Variants in SLC25A25 observed in about 807,000 individuals in gnomAD.
The protein encoded by SLC25A25 is solute carrier family 25 member 25.
A neutral mutation model predicts 57.7 loss-of-function variants in SLC25A25; 32 were observed. The ratio of observed to expected loss-of-function variants is 0.55; its 90% CI spans 0.42 to 0.74. The LOEUF (loss-of-function observed/expected upper bound fraction) is 0.74. SLC25A25 is among the 30% of genes least tolerant of loss of function. SLC25A25 has a pLI of 0.00. For synonymous variants in SLC25A25, 306 were observed against 291.2 expected (o/e 1.05, Z -0.52); for missense variants, 556 against 701.3 (o/e 0.79, Z 2.34).
chr9:128,075,573 G>T (rs931507691), intron 1 of SLC25A25, among the ~76,000 whole-genome samples: 24 of 152,064 alleles, frequency 1.6e-4, no homozygotes, highest in African/African-American at 4.8e-4. Context: ...CAAGTGTGGC[G>T]ACTTACACCT....
At chr9:128,080,349 CAAAAAAAAAAAAAA>C (rs775059465) in intron 1 of SLC25A25, among the ~76,000 whole-genome samples, 3 of 108,630 alleles carry the variant, frequency 2.8e-5, no homozygotes, top group African/African-American at 1.2e-4. Flanking sequence ...GACTCCATCC[CAAAAAAAAAAAAAA>C]AAAAAAAAAA....
At position 128,099,153 on chromosome 9, in the gene SLC25A25, C is replaced by G. The variant is rs1369022742; in HGVS notation, c.262-1943C>G. 3 of 1,232,442 alleles carry G rather than the reference C, an allele frequency of 2.4e-6. No individual in the cohort carries two copies. Among genetic ancestry groups the G allele is most frequent in the Non-Finnish European group, 3.1e-6 (3 of 962,230 alleles). The allele number at this position is 1,232,442 out of a possible 1,614,324, so 76.3% of individuals were successfully genotyped here. ...GAGGGAGCCTCCCGCCTTCTCGACT[C>G]TCAGACATCGCTGTGGAACAGGGCC... On this transcript the variant is annotated intron_variant, in intron 1 of 10. Transcript: ENST00000373069. This position sits in a 1 kb window ranked among gnomAD's most constrained non-coding sequence, Gnocchi z 6.8.
chr9:128,089,368 T>C (rs1488191444), intron 1 of SLC25A25, among the ~76,000 whole-genome samples: 1 of 152,222 alleles, frequency 6.6e-6, no homozygotes, highest in East Asian at 1.9e-4. Context: ...TAACCAATTC[T>C]ATGAAGTACT....
intron 1 of SLC25A25, among the ~76,000 whole-genome samples, chr9:128,077,389 C>T (rs1464130462): frequency 6.6e-6 from 1 of 152,036 alleles, no homozygotes; most frequent in Admixed American, 6.6e-5. Flanking sequence ...CGGTGGCGGG[C>T]GCCTGTGGTC....
intron 1 of SLC25A25, among the ~76,000 whole-genome samples, chr9:128,097,763 C>T (rs1833604447): frequency 6.6e-6 from 1 of 152,172 alleles, no homozygotes; most frequent in South Asian, 2.1e-4. Flanking sequence ...GGCATGGTGT[C>T]CTCTTACCAA....
Position 128,103,641 on chromosome 9 carries a change from C to T in SLC25A25, c.625-40C>T. On this transcript the variant is annotated intron_variant, in intron 5 of 10. Coordinates refer to ENST00000373069, the MANE Select transcript of SLC25A25 (RefSeq NM_001330988.2). This position sits in a 1 kb window ranked among gnomAD's most constrained non-coding sequence, Gnocchi z 6.7. The stretch of plus-strand genomic sequence containing the variant: ...GCGACAGGTGCCAGCAGCCTTGCCC[C>T]AAGGGTCCTGAGTCAGGCTTGTGCC... The T allele has an allele frequency of 6.2e-7, 1 of 1,613,882 alleles. No homozygotes were observed. Among genetic ancestry groups the T allele is most frequent in the South Asian group, 1.1e-5 (1 of 91,050 alleles).
chr9:128,093,511 G>C (rs1833471589), intron 1 of SLC25A25, among the ~76,000 whole-genome samples: 2 of 152,240 alleles, frequency 1.3e-5, no homozygotes, highest in African/African-American at 2.4e-5. Context: ...AGGACTGTCT[G>C]TTCTGAACAG....
chr9:128,107,458 G>A lies in SLC25A25; in HGVS notation c.*14G>A, dbSNP rs377049698. 5.3e-6 allele frequency: 8 copies of A among 1,504,430 alleles called. No individual in the cohort carries two copies. The highest frequency in any genetic ancestry group is 6.2e-6 in the Non-Finnish European group (7 of 1,126,256). The allele number at this position is 1,504,430 out of a possible 1,614,324, so 93.2% of individuals were successfully genotyped here. ...CAGTCGCGGTGACGGGGGGAGGGCC[G>A]CCCGGCAGTGGACTCGCTGATCCTG... On this transcript the variant is annotated 3_prime_UTR_variant, in exon 11 of 11. Coordinates refer to ENST00000373069, the MANE Select transcript of SLC25A25 (RefSeq NM_001330988.2).
intron 1 of SLC25A25, among the ~76,000 whole-genome samples, chr9:128,075,174 G>C (rs1187381059): frequency 1.3e-5 from 2 of 152,110 alleles, no homozygotes; most frequent in Non-Finnish European, 2.9e-5. Flanking sequence ...TGGGCATGGT[G>C]GCCCATGCCT....
In SLC25A25 at chr9:128,106,597, C is replaced by T. The variant is rs556626530; in HGVS notation, c.1212+77C>T. On this transcript the variant is annotated intron_variant, in intron 9 of 10. Transcript: ENST00000373069. ...CTGCTGTCTCCCTCCTTGACGGACG[C>T]GTGGTTAGTGCAGGAAACTGCATCA... 1.6e-4 allele frequency: 241 copies of T among 1,483,906 alleles called. No homozygotes were observed. In the African/African-American group the frequency reaches 2.8e-3, roughly 17 times the overall value. The allele number at this position is 1,483,906 out of a possible 1,614,324, so 91.9% of individuals were successfully genotyped here.
intron 1 of SLC25A25, among the ~76,000 whole-genome samples, chr9:128,100,570 AC>A (rs1434898795): frequency 6.6e-6 from 1 of 151,938 alleles, no homozygotes; most frequent in African/African-American, 2.4e-5. Context: ...CCCGATTTTC[AC>A]CTGCCCACCA....
rs1258534877 is a variant in SLC25A25, at chr9:128,072,658, CT to C, written c.261+4081del. Among the ~76,000 whole-genome samples, 16 of 152,032 alleles carry C rather than the reference CT, an allele frequency of 1.1e-4. 3 individuals carry two copies. The highest frequency in any genetic ancestry group is 1.0e-3 in the Admixed American group (16 of 15,246). On this transcript the variant is annotated intron_variant, in intron 1 of 10. Coordinates refer to ENST00000373069, the MANE Select transcript of SLC25A25 (RefSeq NM_001330988.2). ...GTTGGCAGCCAGCCAGGGAAATTTT[CT>C]TTGTAAAGGGCATGTAAGCGAGAAG...
rs779266773 is a variant in SLC25A25 at position 128,106,368 on chromosome 9, A to G, written c.1060A>G (p.Met354Val). The change falls in exon 9 of 11, where the codon ATG becomes GTG. Residue 354 changes from methionine to valine, a missense_variant. Around this residue, in one of 3 missense-constraint regions of SLC25A25, gnomAD observed 294 missense variants for 389.6 expected, o/e 0.75. Transcript: ENST00000373069. Reference sequence around the variant, plus strand: ...TGTTGTGCAGGTCCTGAAGACCCGGATGGCGCTGCGGAAGACAGGCCAGTA... The same window carrying G: ...TGTTGTGCAGGTCCTGAAGACCCGGGTGGCGCTGCGGAAGACAGGCCAGTA... Reference protein sequence around the residue: ...IYPMEVLKTRMALRKTGQYSG... With the variant: ...IYPMEVLKTRVALRKTGQYSG... The G allele has an allele frequency of 3.7e-6, 6 of 1,613,642 alleles. No homozygotes were observed. In the East Asian group the frequency reaches 6.7e-5, roughly 18 times the overall value.
Position 128,099,235 on chromosome 9 carries a change from C to T in SLC25A25, c.262-1861C>T, listed in dbSNP as rs1461992516. 7.8e-7 allele frequency: 1 copy of T among 1,288,966 alleles called. No homozygotes were observed. The highest frequency in any genetic ancestry group is 1.0e-6 in the Non-Finnish European group (1 of 988,522). 79.8% of individuals were successfully genotyped at this position (1,288,966 alleles called of 1,614,324 possible). On this transcript the variant is annotated intron_variant, in intron 1 of 10. Coordinates refer to ENST00000373069, the MANE Select transcript of SLC25A25 (RefSeq NM_001330988.2). This position sits in a 1 kb window ranked among gnomAD's most constrained non-coding sequence, Gnocchi z 6.8. ...TGCAGAGTCCGGAGGCCCCTTGCCA[C>T]CTCGGCTTCTCGGTTAATCAGTTTC... is the stretch of plus-strand genomic sequence containing the variant.
At chr9:128,091,347 T>A in intron 1 of SLC25A25, 1 of 796,042 alleles carries the variant, frequency 1.3e-6, no homozygotes, top group Non-Finnish European at 1.5e-6. Flanking sequence ...TGCCTGTGAT[T>A]GGAGGGCTGG....
rs1423351147 is a variant in SLC25A25, at chr9:128,103,364, A to G, written c.625-317A>G. Among the ~76,000 whole-genome samples the G allele has an allele frequency of 2.6e-5, 4 of 152,224 alleles. No individual in the cohort carries two copies. The highest frequency in any genetic ancestry group is 9.6e-5 in the African/African-American group (4 of 41,464). ...CGCAGCCAGCCTGGCAATCTCACAC[A>G]GGCCTGTGAGCTGTTCTTGCAGTAG... On this transcript the variant is annotated intron_variant, in intron 5 of 10. Coordinates refer to ENST00000373069, the MANE Select transcript of SLC25A25 (RefSeq NM_001330988.2). The surrounding 1 kb of genome is among the most constrained non-coding windows in gnomAD (Gnocchi z 6.7).
In SLC25A25 at chr9:128,099,166, G is replaced by A. The variant is rs1833684518; in HGVS notation, c.262-1930G>A. 4.0e-6 allele frequency: 5 copies of A among 1,243,204 alleles called. No homozygotes were observed. The South Asian group carries it at 6.8e-5, about 17-fold the overall frequency. 77.0% of individuals were successfully genotyped at this position (1,243,204 alleles called of 1,614,324 possible). A position where few individuals can be genotyped will look rare whatever the true frequency, so the allele number is the denominator to read the frequency against. ...GCCTTCTCGACTCTCAGACATCGCT[G>A]TGGAACAGGGCCTGTGTCTGCCCTG... is the stretch of plus-strand genomic sequence containing the variant. On this transcript the variant is annotated intron_variant, in intron 1 of 10. Transcript: ENST00000373069. The surrounding 1 kb of genome is among the most constrained non-coding windows in gnomAD (Gnocchi z 6.8).
intron 1 of SLC25A25, among the ~76,000 whole-genome samples, chr9:128,070,445 T>G (rs981327946): frequency 2.7e-5 from 4 of 150,352 alleles, no homozygotes; most frequent in African/African-American, 9.8e-5. Flanking sequence ...TCCACCATGT[T>G]GGCCAGGTTG....
At chr9:128,096,966 T>C (rs969101197) in intron 1 of SLC25A25, among the ~76,000 whole-genome samples, 1 of 152,246 alleles carries the variant, frequency 6.6e-6, no homozygotes, top group Non-Finnish European at 1.5e-5. Context: ...AGATCTCTGT[T>C]AGAAGGCCCA....
Sources: allele counts gnomAD v4.1 joint callset (sites outside exome capture counted in the v4.1 genomes callset), GRCh38; gene constraint gnomAD v4.1.1; regional missense constraint gnomAD v4.1.1; non-coding constraint Gnocchi (gnomAD v3.1); transcripts MANE v1.5; gene names NCBI Gene and HGNC (gene_info 2026-07-23, HGNC 2026-07-21).